Variants in PPFIA2 observed in about 807,000 individuals in gnomAD.
PPFIA2 encodes PPFI scaffold protein A2.
A neutral mutation model predicts 175.5 loss-of-function variants in PPFIA2; 46 were observed. That is an observed-to-expected ratio of 0.26 (90% CI 0.21 to 0.34). The LOEUF is 0.34. Among genes scored for constraint, PPFIA2 ranks in the 10% least tolerant of loss-of-function variants. PPFIA2 has a pLI of 1.00. For missense variants in PPFIA2, 1,179 were observed against 1,506.1 expected (o/e 0.78, Z 3.60); for synonymous variants, 568 against 511.4 (o/e 1.11, Z -1.49).
chr12:81,689,157 A>C (rs1007225915), intron 3 of PPFIA2, among the ~76,000 whole-genome samples: 1 of 151,898 alleles, frequency 6.6e-6, no homozygotes, highest in African/African-American at 2.4e-5. Context: ...CACTATCCAA[A>C]ATCAGATATG....
intron 4 of PPFIA2, among the ~76,000 whole-genome samples, chr12:81,641,353 A>G (rs2064944172): frequency 3.3e-5 from 5 of 152,248 alleles, no homozygotes; most frequent in African/African-American, 1.2e-4. Context: ...TTCCACTTCC[A>G]TGGCCACAAT....
At chr12:81,680,695 G>A (rs2073454863) in intron 3 of PPFIA2, among the ~76,000 whole-genome samples, 1 of 151,794 alleles carries the variant, frequency 6.6e-6, no homozygotes, top group African/African-American at 2.4e-5. Context: ...CCTACACCAG[G>A]TCCATCTTCA....
At chr12:81,456,201 G>T (rs992450368) in intron 5 of PPFIA2, among the ~76,000 whole-genome samples, 3 of 152,070 alleles carry the variant, frequency 2.0e-5, no homozygotes, top group Non-Finnish European at 4.4e-5. Flanking sequence ...AAATTTGCAC[G>T]AAAACACAGT....
chr12:81,668,312 T>C (rs2070749657), intron 4 of PPFIA2, among the ~76,000 whole-genome samples: 1 of 152,036 alleles, frequency 6.6e-6, no homozygotes, highest in Non-Finnish European at 1.5e-5. Context: ...CAAATTCTTG[T>C]TGTAAAGACC....
At chr12:81,668,989 G>A (rs1411336095) in intron 4 of PPFIA2, among the ~76,000 whole-genome samples, 1 of 151,912 alleles carries the variant, frequency 6.6e-6, no homozygotes, top group East Asian at 1.9e-4. Flanking sequence ...CATACTATGT[G>A]CCAGCGTTGG....
At chr12:81,464,063 T>G (rs1336528686) in intron 4 of PPFIA2, among the ~76,000 whole-genome samples, 78 of 152,114 alleles carry the variant, frequency 5.1e-4, no homozygotes, top group Admixed American at 5.1e-3. Context: ...CCCATCATTT[T>G]TTTCTTTTAA....
intron 11 of PPFIA2, among the ~76,000 whole-genome samples, chr12:81,369,976 G>T (rs1187566839): frequency 6.6e-6 from 1 of 151,710 alleles, no homozygotes; most frequent in East Asian, 1.9e-4. Flanking sequence ...GGCAATGAAA[G>T]ACTACTACAG....
intron 4 of PPFIA2, among the ~76,000 whole-genome samples, chr12:81,533,664 T>G (rs752812486): frequency 1.3e-5 from 2 of 151,466 alleles, no homozygotes; most frequent in Non-Finnish European, 3.0e-5. Context: ...AAAACTCCTC[T>G]TTGATTGTAA....
intron 4 of PPFIA2, among the ~76,000 whole-genome samples, chr12:81,484,767 A>C (rs2058637111): frequency 6.6e-6 from 1 of 151,926 alleles, no homozygotes; most frequent in Non-Finnish European, 1.5e-5. Flanking sequence ...TAAAATAAAA[A>C]TAGCATTGCT....
chr12:81,642,658 C>CATACGTGTATGTATA, intron 4 of PPFIA2, among the ~76,000 whole-genome samples: 1 of 43,578 alleles, frequency 2.3e-5, no homozygotes, highest in Admixed American at 2.8e-4. Flanking sequence ...ATGTATGTAT[C>CATACGTGTATGTATA]TATTATATAC....
At chr12:81,551,280 T>G (rs967276649) in intron 4 of PPFIA2, among the ~76,000 whole-genome samples, 1 of 151,940 alleles carries the variant, frequency 6.6e-6, no homozygotes, top group Non-Finnish European at 1.5e-5. Context: ...AAATGAAACA[T>G]GGACTATATG....
chr12:81,333,250 G>T (rs1057052406), intron 21 of PPFIA2, among the ~76,000 whole-genome samples: 6 of 152,100 alleles, frequency 3.9e-5, no homozygotes, highest in African/African-American at 1.4e-4. Context: ...GAATAATTTT[G>T]TACAACTTTA....
chr12:81,574,569 A>G (rs1268618240), intron 4 of PPFIA2, among the ~76,000 whole-genome samples: 18 of 151,836 alleles, frequency 1.2e-4, no homozygotes, highest in Admixed American at 1.2e-3. Context: ...GCAATAAAAA[A>G]TTGCAAAACC....
intron 19 of PPFIA2, among the ~76,000 whole-genome samples, chr12:81,343,110 A>T (rs1385112822): frequency 6.6e-6 from 1 of 152,040 alleles, no homozygotes; most frequent in Non-Finnish European, 1.5e-5. Context: ...ACATTTCCTC[A>T]TCAATAAAAT....
chr12:81,287,707 G>A (rs1312861428), intron 24 of PPFIA2, among the ~76,000 whole-genome samples: 1 of 151,786 alleles, frequency 6.6e-6, no homozygotes, highest in African/African-American at 2.4e-5. Flanking sequence ...CCACTTTAGG[G>A]GATGGAACTT....
intron 3 of PPFIA2, chr12:81,687,673 T>C (rs182830469): frequency 2.0e-5 from 3 of 152,176 alleles, no homozygotes; most frequent in East Asian, 3.9e-4. Flanking sequence ...ACTATCTGTG[T>C]GACCTTAGGC....
intron 24 of PPFIA2, chr12:81,294,629 C>T (rs1459283853): frequency 1.7e-6 from 1 of 587,150 alleles, no homozygotes; most frequent in African/African-American, 1.9e-5. Flanking sequence ...GTCTGCTATG[C>T]TAGCTTTCAC....
At chr12:81,610,579 T>C (rs1225170390) in intron 4 of PPFIA2, among the ~76,000 whole-genome samples, 1 of 152,210 alleles carries the variant, frequency 6.6e-6, no homozygotes, top group East Asian at 1.9e-4. Flanking sequence ...CTTTAGAAGT[T>C]CAGTTTGGTT....
intron 8 of PPFIA2, among the ~76,000 whole-genome samples, chr12:81,398,844 T>C (rs2041634966): frequency 6.6e-6 from 1 of 152,088 alleles, no homozygotes; most frequent in African/African-American, 2.4e-5. Flanking sequence ...TGTTTCTTTC[T>C]TGACGCTCGA....
Sources: gnomAD v4.1 joint callset for allele counts (sites outside exome capture counted in the v4.1 genomes callset) on GRCh38, gnomAD v4.1.1 for gene constraint, MANE v1.5 for transcripts, NCBI Gene and HGNC (gene_info 2026-07-23, HGNC 2026-07-21) for gene names.